The following FMN1 variants were observed in gnomAD, a reference collection of about 807,000 sequenced individuals.
FMN1 encodes formin-1.
FMN1 carries 110 observed loss-of-function variants against 132.4 expected under a neutral mutation model. That is an observed-to-expected ratio of 0.83 (90% CI 0.71 to 0.97). The LOEUF is 0.97. Among genes scored for constraint, FMN1 ranks in the 50% least tolerant of loss-of-function variants. The probability of loss-of-function intolerance (pLI) is 0.00; values close to 1 mark genes in which losing one functional copy is unlikely to be tolerated. For synonymous variants in FMN1, 722 were observed against 651.7 expected, an observed-to-expected ratio of 1.11 and a Z score of -1.64; for missense variants, 1,792 against 1,705.3, an observed-to-expected ratio of 1.05 and a Z score of -0.90.
chr15:33,119,129 A>C (rs1483035299), intron 4 of FMN1, among the ~76,000 whole-genome samples: 3 of 152,180 alleles, frequency 2.0e-5, no homozygotes, highest in Non-Finnish European at 2.9e-5. Context: ...GAAAGCTAAA[A>C]ACACTAAGTA....
intron 7 of FMN1, among the ~76,000 whole-genome samples, chr15:33,000,557 G>A (rs896065118): frequency 6.6e-6 from 1 of 152,022 alleles, no homozygotes; most frequent in Admixed American, 6.5e-5. Flanking sequence ...GAGGTGGGCA[G>A]ATGGCTCGTG....
chr15:33,092,346 G>A (rs975232104), intron 4 of FMN1, among the ~76,000 whole-genome samples: 18 of 152,042 alleles, frequency 1.2e-4, no homozygotes, highest in African/African-American at 4.3e-4. Flanking sequence ...GTCTAGCAGG[G>A]GTACATTGGA....
At chr15:33,105,923 G>C (rs1017948912) in intron 4 of FMN1, 27 of 152,136 alleles carry the variant, frequency 1.8e-4, no homozygotes, top group African/African-American at 6.3e-4. Context: ...AGGGTTTGCA[G>C]TTATGCCTGG....
At chr15:33,174,542 T>A (rs1489179903) in intron 3 of FMN1, among the ~76,000 whole-genome samples, 1 of 152,226 alleles carries the variant, frequency 6.6e-6, no homozygotes, top group African/African-American at 2.4e-5. Flanking sequence ...ATACTCCAAA[T>A]CATAAATTTT....
rs1418298587 is a variant in FMN1 at position 33,154,255 on chromosome 15, C to T, written c.660G>A (p.Leu220=). 5 of 1,536,086 alleles carry T rather than the reference C, an allele frequency of 3.3e-6. No homozygotes were observed. Among genetic ancestry groups the T allele is most frequent in the African/African-American group, 2.7e-5 (2 of 73,038 alleles). The change falls in exon 4 of 21, where the codon CTG becomes CTA. Residue 220 remains leucine (L), a synonymous_variant. Coordinates refer to ENST00000616417, the MANE Select transcript of FMN1 (RefSeq NM_001277313.2). Reference sequence around the variant, plus strand: ...AGCAGGCAAGTGCCCCATTCGGGAGCAGATTTCCTTTCTCCTCTAGTACCC... The same window carrying T: ...AGCAGGCAAGTGCCCCATTCGGGAGTAGATTTCCTTTCTCCTCTAGTACCC... ...NLWVLEEKGN[L]LPNGALACSL...
chr15:33,124,830 T>A (rs1962897492), intron 4 of FMN1, among the ~76,000 whole-genome samples: 1 of 148,918 alleles, frequency 6.7e-6, no homozygotes, highest in African/African-American at 2.5e-5. Context: ...ATGAAAAAAA[T>A]GCTTTTCATT....
intron 4 of FMN1, among the ~76,000 whole-genome samples, chr15:33,099,795 G>GAT (rs2039225704): frequency 6.6e-6 from 1 of 152,120 alleles, no homozygotes; most frequent in African/African-American, 2.4e-5. Flanking sequence ...TAAACAAAAA[G>GAT]GAATTTAAGT....
intron 4 of FMN1, among the ~76,000 whole-genome samples, chr15:33,095,720 A>G (rs1002457294): frequency 2.6e-5 from 4 of 152,180 alleles, no homozygotes; most frequent in African/African-American, 9.7e-5. Flanking sequence ...GTCATATGGC[A>G]TTCATTACAA....
chr15:33,109,065 T>C (rs879735513), intron 4 of FMN1, among the ~76,000 whole-genome samples: 2 of 152,098 alleles, frequency 1.3e-5, no homozygotes, highest in African/African-American at 2.4e-5. Context: ...AACTTTACCA[T>C]TTATAACCTA....
chr15:32,922,005 C>A (rs1041338365), intron 10 of FMN1, among the ~76,000 whole-genome samples: 1 of 152,204 alleles, frequency 6.6e-6, no homozygotes, highest in Non-Finnish European at 1.5e-5. Context: ...AGCTCCATCT[C>A]TGTGTGATGA....
chr15:33,181,910 A>G (rs905498870), intron 2 of FMN1, among the ~76,000 whole-genome samples: 3 of 151,850 alleles, frequency 2.0e-5, no homozygotes, highest in Non-Finnish European at 4.4e-5. Context: ...GGGTTTCACC[A>G]TGTTAGCCAG....
chr15:33,194,523 G>A (rs1966204129), intron 1 of FMN1, 55 bp downstream of exon 1: 1 of 152,872 alleles, frequency 6.5e-6, no homozygotes, highest in African/African-American at 2.4e-5. Flanking sequence ...GGCAGCCTTT[G>A]GTCGGGAAGA....
At chr15:33,049,921 G>A (rs1294415763) in intron 6 of FMN1, among the ~76,000 whole-genome samples, 1 of 152,164 alleles carries the variant, frequency 6.6e-6, no homozygotes, top group Non-Finnish European at 1.5e-5. Context: ...CTCAATTCAC[G>A]AATTGTTTAT....
At chr15:33,172,045 T>TA (rs1258912886) in intron 3 of FMN1, among the ~76,000 whole-genome samples, 6 of 151,730 alleles carry the variant, frequency 4.0e-5, no homozygotes, top group Non-Finnish European at 7.4e-5. Context: ...CCGTCTCTAC[T>TA]AAAAATACAA....
chr15:32,840,788 T>G (rs1004452205), intron 17 of FMN1, among the ~76,000 whole-genome samples: 1 of 152,082 alleles, frequency 6.6e-6, no homozygotes, highest in Non-Finnish European at 1.5e-5. Flanking sequence ...GTACAGAACA[T>G]TGAGTGGACT....
At chr15:32,802,596 C>T (rs940910520) in intron 18 of FMN1, among the ~76,000 whole-genome samples, 2 of 152,156 alleles carry the variant, frequency 1.3e-5, no homozygotes, top group African/African-American at 2.4e-5. Flanking sequence ...CCACGGAAAA[C>T]GCTGACAACC....
At chr15:33,145,573 G>A (rs1477819626) in intron 4 of FMN1, among the ~76,000 whole-genome samples, 1 of 151,562 alleles carries the variant, frequency 6.6e-6, no homozygotes, top group Non-Finnish European at 1.5e-5. Context: ...GAGAACATAC[G>A]TCATGCTATT....
chr15:32,858,545 C>CT (rs1185108129), intron 16 of FMN1, among the ~76,000 whole-genome samples: 3 of 152,192 alleles, frequency 2.0e-5, no homozygotes, highest in Non-Finnish European at 2.9e-5. Context: ...AATTCAAGCT[C>CT]TATCTATTGA....
At chr15:33,089,936 G>A (rs1473149399) in intron 4 of FMN1, among the ~76,000 whole-genome samples, 1 of 152,044 alleles carries the variant, frequency 6.6e-6, no homozygotes, top group Non-Finnish European at 1.5e-5. Flanking sequence ...AAAGACCTTG[G>A]GATGCCCTTT....
Sources: gnomAD v4.1 joint callset for allele counts (sites outside exome capture counted in the v4.1 genomes callset) on GRCh38, gnomAD v4.1.1 for gene constraint, MANE v1.5 for transcripts, NCBI Gene and HGNC (gene_info 2026-07-23, HGNC 2026-07-21) for gene names.